RSF1: variants seen among roughly 807,000 people sequenced by gnomAD.
The protein encoded by RSF1 is remodeling and spacing factor 1.
Under a neutral mutation model 145.2 loss-of-function variants are expected in RSF1, and 13 were observed. That is an observed-to-expected ratio of 0.09 (90% confidence interval 0.06 to 0.14). The LOEUF (loss-of-function observed/expected upper bound fraction) is 0.14, where lower values mean the gene tolerates loss of function less well. RSF1 is among the 10% of genes least tolerant of loss of function. The pLI is 1.00. For missense variants in RSF1, 1,517 were observed against 1,718.2 expected (o/e 0.88, Z 2.07); for synonymous variants, 577 against 592.6 (o/e 0.97, Z 0.38).
intron 1 of RSF1, among the ~76,000 whole-genome samples, chr11:77,807,449 C>T (rs1317893532): frequency 6.6e-6 from 1 of 152,122 alleles, no homozygotes; most frequent in African/African-American, 2.4e-5. Flanking sequence ...AAACATGATA[C>T]AAATATCTGC....
upstream of RSF1, chr11:77,820,793 C>T (rs1948866627): frequency 1.4e-6 from 2 of 1,427,552 alleles, no homozygotes; most frequent in Non-Finnish European, 9.4e-7. Flanking sequence ...GGCAACCTTA[C>T]AGACGACAGG....
At chr11:77,810,448 A>G (rs1251169195) in intron 1 of RSF1, among the ~76,000 whole-genome samples, 1 of 152,238 alleles carries the variant, frequency 6.6e-6, no homozygotes, top group African/African-American at 2.4e-5. Flanking sequence ...ATTAATACTA[A>G]AACAGTTGGA....
At chr11:77,698,854 TG>T (rs1960345699) in intron 6 of RSF1, among the ~76,000 whole-genome samples, 161 bp from the exon 7 acceptor site, 1 of 152,242 alleles carries the variant, frequency 6.6e-6, no homozygotes, top group African/African-American at 2.4e-5. Context: ...GGTTAAATTT[TG>T]GTATATATTT....
chr11:77,753,284 G>A (rs946467517), intron 2 of RSF1, among the ~76,000 whole-genome samples: 2 of 152,086 alleles, frequency 1.3e-5, no homozygotes, highest in East Asian at 1.9e-4. Flanking sequence ...TTATACTAGC[G>A]AAAAAATTAT....
intron 4 of RSF1, among the ~76,000 whole-genome samples, chr11:77,732,467 A>G (rs1205436398): frequency 6.6e-6 from 1 of 152,184 alleles, no homozygotes; most frequent in Non-Finnish European, 1.5e-5. Context: ...TTGAACTATG[A>G]GGACATGAGA....
chr11:77,775,958 G>A (rs541056847), intron 1 of RSF1, among the ~76,000 whole-genome samples: 3 of 152,268 alleles, frequency 2.0e-5, no homozygotes, highest in African/African-American at 7.2e-5. Flanking sequence ...TTTTTCTGTA[G>A]AGTCCAGGTT....
chr11:77,825,105 C>T (rs941298724), upstream of RSF1, among the ~76,000 whole-genome samples: 1 of 152,088 alleles, frequency 6.6e-6, no homozygotes, highest in African/African-American at 2.4e-5. Context: ...CTCAGCCTCC[C>T]GAGTAGCTGG....
chr11:77,784,096 A>G (rs1416997740), intron 1 of RSF1, among the ~76,000 whole-genome samples: 2 of 152,178 alleles, frequency 1.3e-5, no homozygotes, highest in African/African-American at 4.8e-5. Context: ...TTCTTCCAAT[A>G]TTCTTGGCTC....
intron 5 of RSF1, among the ~76,000 whole-genome samples, chr11:77,723,478 G>C (rs1590850844): frequency 6.6e-6 from 1 of 152,192 alleles, no homozygotes; most frequent in East Asian, 1.9e-4. Flanking sequence ...GGAAAAAAAA[G>C]GCTTTCCTAA....
At chr11:77,781,072 T>C (rs1422928986) in intron 1 of RSF1, among the ~76,000 whole-genome samples, 1 of 151,886 alleles carries the variant, frequency 6.6e-6, no homozygotes, top group Non-Finnish European at 1.5e-5. Flanking sequence ...AATTTGGTCA[T>C]CCAATCATTG....
At chr11:77,786,635 C>T (rs867573564) in intron 1 of RSF1, among the ~76,000 whole-genome samples, 3 of 152,000 alleles carry the variant, frequency 2.0e-5, no homozygotes, top group Admixed American at 6.6e-5. Flanking sequence ...TAAAAGATCC[C>T]CATAATTTTA....
At chr11:77,752,964 C>A (rs182736517) in intron 2 of RSF1, among the ~76,000 whole-genome samples, 1 of 152,232 alleles carries the variant, frequency 6.6e-6, no homozygotes, top group East Asian at 1.9e-4. Context: ...AGCACCAAAA[C>A]AGTCTACAAA....
the RSF1 span, among the ~76,000 whole-genome samples, chr11:77,852,176 C>T: frequency 1.6e-5 from 2 of 123,714 alleles, no homozygotes; most frequent in East Asian, 4.9e-4. Context: ...GAGGTCAAGG[C>T]TGCAGTGAGC....
intron 10 of RSF1, among the ~76,000 whole-genome samples, chr11:77,684,166 G>T (rs948845666): frequency 1.3e-5 from 2 of 152,224 alleles, no homozygotes; most frequent in Non-Finnish European, 2.9e-5. Context: ...GAAAGATTTA[G>T]AAGAAAGGGG....
intron 1 of RSF1, among the ~76,000 whole-genome samples, chr11:77,782,279 G>A (rs1014926966): frequency 2.6e-5 from 4 of 152,194 alleles, no homozygotes; most frequent in African/African-American, 4.8e-5. Context: ...GGTGGCTCAC[G>A]CCTGTAATCC....
chr11:77,803,643 G>T (rs1948648339), intron 1 of RSF1, among the ~76,000 whole-genome samples: 1 of 151,896 alleles, frequency 6.6e-6, no homozygotes, highest in Admixed American at 6.6e-5. Flanking sequence ...GCCGGGCATG[G>T]TGGTGCGCAC....
chr11:77,672,443 A>G (rs766219231), intron 14 of RSF1, among the ~76,000 whole-genome samples: 1 of 151,848 alleles, frequency 6.6e-6, no homozygotes, highest in Non-Finnish European at 1.5e-5. Flanking sequence ...TACAGCCTCA[A>G]CCTCCTGGGC....
intron 15 of RSF1, among the ~76,000 whole-genome samples, chr11:77,668,578 G>C (rs868082356): frequency 7.2e-5 from 11 of 152,098 alleles, no homozygotes; most frequent in Non-Finnish European, 1.0e-4. Flanking sequence ...ACCAACTGCA[G>C]ATGGAAAATA....
chr11:77,744,027 A>G lies in RSF1; in HGVS notation c.372+3009T>C, dbSNP rs139350075. ...TGGAGCATCACAACTTTATTTAGTT[A>G]ATTAATTAATTAATTTTTTGAGACA... On this transcript the variant is annotated intron_variant, in intron 3 of 15. Transcript: ENST00000308488. Among the ~76,000 whole-genome samples, 70 of 152,238 alleles carry G rather than the reference A, an allele frequency of 4.6e-4. 1 individual carries two copies. In the South Asian group the frequency reaches 0.014, roughly 30 times the overall value.
Sources: gnomAD v4.1 joint callset for allele counts (sites outside exome capture counted in the v4.1 genomes callset) on GRCh38, gnomAD v4.1.1 for gene constraint, MANE v1.5 for transcripts, NCBI Gene and HGNC (gene_info 2026-07-23, HGNC 2026-07-21) for gene names.